The following SPAG1 variants were observed in gnomAD, a reference collection of about 807,000 sequenced individuals.
The protein encoded by SPAG1 is sperm-associated antigen 1.
SPAG1 carries 69 observed loss-of-function variants against 100.5 expected under a neutral mutation model. The ratio of observed to expected loss-of-function variants is 0.69; its 90% CI spans 0.57 to 0.84. The LOEUF is 0.84. Among genes scored for constraint, SPAG1 ranks in the 40% least tolerant of loss-of-function variants. The probability of loss-of-function intolerance (pLI) is 0.00; values close to 1 mark genes in which losing one functional copy is unlikely to be tolerated. For synonymous variants in SPAG1, 336 were observed against 411.6 expected, an observed-to-expected ratio of 0.82 and a Z score of 2.22; for missense variants, 955 against 1,133.1, an observed-to-expected ratio of 0.84 and a Z score of 2.26.
intron 8 of SPAG1, among the ~76,000 whole-genome samples, chr8:100,188,216 A>G (rs1183570343): frequency 6.6e-6 from 1 of 151,772 alleles, no homozygotes; most frequent in Non-Finnish European, 1.5e-5. Context: ...CAGTGGTGCA[A>G]TCTTGGCTTA....
chr8:100,203,062 T>C (rs773724859), intron 10 of SPAG1, among the ~76,000 whole-genome samples: 1 of 152,174 alleles, frequency 6.6e-6, no homozygotes, highest in East Asian at 1.9e-4. Flanking sequence ...TGTGAGGGTA[T>C]TGCTGAAAGA....
chr8:100,214,282 T>C (rs957905414), intron 12 of SPAG1, among the ~76,000 whole-genome samples: 1 of 152,206 alleles, frequency 6.6e-6, no homozygotes, highest in Non-Finnish European at 1.5e-5. Flanking sequence ...CAGTATTGGC[T>C]TCGAAATAAC....
chr8:100,213,850 A>G lies in SPAG1; in HGVS notation c.1467A>G (p.Leu489=). The stretch of plus-strand genomic sequence containing the variant: ...AAATTGCAGATGATCTAAGTATCTT[A>G]TATTCAAATAGAGCAGCATGTTACC... ...GSEIADDLSI[L]YSNRAACYLK... is the part of the protein sequence containing the mutation. Residue 489 remains leucine (L), a synonymous_variant, in exon 12 of 19, where the codon TTA becomes TTG. Transcript: ENST00000388798. 6.2e-7 allele frequency: 1 copy of G among 1,602,822 alleles called. No homozygotes were observed. The highest frequency in any genetic ancestry group is 1.7e-4 in the Middle Eastern group (1 of 5,990).
At chr8:100,187,735 A>G (rs929231429) in intron 8 of SPAG1, among the ~76,000 whole-genome samples, 3 of 152,146 alleles carry the variant, frequency 2.0e-5, no homozygotes, top group Non-Finnish European at 4.4e-5. Flanking sequence ...AACTTAATAT[A>G]GATTTTCTGG....
chr8:100,192,457 A>G (rs1488727675), intron 9 of SPAG1, among the ~76,000 whole-genome samples: 1 of 152,228 alleles, frequency 6.6e-6, no homozygotes, highest in Non-Finnish European at 1.5e-5. Flanking sequence ...CTGCAGATGA[A>G]TACTATTTCT....
At position 100,187,105 on chromosome 8, in the gene SPAG1, CT is replaced by C; in HGVS notation, c.702-14del. The C allele has an allele frequency of 2.5e-6, 4 of 1,596,030 alleles. No homozygotes were observed. Among genetic ancestry groups the C allele is most frequent in the Non-Finnish European group, 3.4e-6 (4 of 1,172,738 alleles). On this transcript the variant is annotated splice_polypyrimidine_tract_variant and intron_variant, in intron 7 of 18. Transcript: ENST00000388798. ...CCTTAGGCTTGCTTGTTGCCAGTAA[CT>C]GTTTCTTTTCTAGGAGCATATCAGC...
chr8:100,159,194 A>G (rs76959643), intron 1 of SPAG1, among the ~76,000 whole-genome samples: 1 of 152,314 alleles, frequency 6.6e-6, no homozygotes, highest in African/African-American at 2.4e-5. Context: ...TGCTCTTTGG[A>G]AAAATCCTTC....
intron 10 of SPAG1, among the ~76,000 whole-genome samples, chr8:100,197,008 G>A (rs868304394): frequency 5.3e-5 from 8 of 151,832 alleles, no homozygotes; most frequent in Admixed American, 1.3e-4. Context: ...CCCACCTCAG[G>A]CTCCCGAGTA....
At chr8:100,166,004 T>C (rs776161977) in intron 3 of SPAG1, 31 bp downstream of exon 3, 8 of 1,549,890 alleles carry the variant, frequency 5.2e-6, no homozygotes, top group Non-Finnish European at 6.2e-6. Flanking sequence ...TCCATAGATA[T>C]TGTTGAGACA....
chr8:100,184,778 GATA>G (rs763703686), intron 7 of SPAG1, 45 bp downstream of exon 7: 1 of 1,105,856 alleles, frequency 9.0e-7, no homozygotes, highest in South Asian at 1.5e-5. Context: ...TTTAAAAAAT[GATA>G]ATGTTTTAAT....
At chr8:100,181,546 C>T (rs537931508) in intron 4 of SPAG1, among the ~76,000 whole-genome samples, 1 of 152,284 alleles carries the variant, frequency 6.6e-6, no homozygotes, top group Non-Finnish European at 1.5e-5. Flanking sequence ...GTTCTAGGGG[C>T]TAGAAGTACA....
Position 100,240,377 on chromosome 8 carries a change from A to G in SPAG1, c.2281-26A>G, listed in dbSNP as rs776913189. Reference sequence around the variant, plus strand: ...TGTGGTGATTGTGGTTCAGTGTCACAATGCATTTTTCTTTTCTTCATGAAG... The same window carrying G: ...TGTGGTGATTGTGGTTCAGTGTCACGATGCATTTTTCTTTTCTTCATGAAG... On this transcript the variant is annotated intron_variant, in intron 17 of 18. Coordinates refer to ENST00000388798, the MANE Select transcript of SPAG1 (RefSeq NM_003114.5). 5.8e-6 allele frequency: 9 copies of G among 1,558,216 alleles called. No individual in the cohort carries two copies. The Admixed American group carries it at 1.9e-4, about 33-fold the overall frequency.
chr8:100,165,733 A>ATGGAACCCTGAGGTTCTG, intron 2 of SPAG1, 81 bp from the exon 3 acceptor site: 4 of 1,197,066 alleles, frequency 3.3e-6, no homozygotes, highest in Non-Finnish European at 3.5e-6. Flanking sequence ...TCAGGGTTCC[A>ATGGAACCCTGAGGTTCTG]TGGAACCCAG....
At chr8:100,197,752 G>A (rs979258584) in intron 10 of SPAG1, among the ~76,000 whole-genome samples, 2 of 152,088 alleles carry the variant, frequency 1.3e-5, no homozygotes, top group Non-Finnish European at 2.9e-5. Context: ...ATCTCCACTC[G>A]GGTTGGCCAG....
chr8:100,162,465 A>G (rs1412130411), intron 2 of SPAG1, 45 bp downstream of exon 2: 1 of 1,452,184 alleles, frequency 6.9e-7, no homozygotes. Context: ...GACAGTTTTA[A>G]TTATCTTGTT....
At chr8:100,203,968 T>G (rs1817397901) in intron 10 of SPAG1, among the ~76,000 whole-genome samples, 1 of 152,184 alleles carries the variant, frequency 6.6e-6, no homozygotes, top group Admixed American at 6.5e-5. Flanking sequence ...CAACTTGGAA[T>G]GGGGATGTGT....
At chr8:100,165,468 C>A in intron 2 of SPAG1, 1 of 364,256 alleles carries the variant, frequency 2.7e-6, no homozygotes, top group African/African-American at 2.1e-5. Context: ...TAAAGGAAAC[C>A]TTTGACATGG....
intron 1 of SPAG1, chr8:100,158,863 A>C (rs1405080585): frequency 6.6e-6 from 1 of 152,066 alleles, no homozygotes; most frequent in Non-Finnish European, 1.5e-5. Context: ...AAGGATTCTC[A>C]GAGAGACTTG....
At chr8:100,210,065 T>A (rs1034860542) in intron 10 of SPAG1, among the ~76,000 whole-genome samples, 1 of 152,186 alleles carries the variant, frequency 6.6e-6, no homozygotes, top group African/African-American at 2.4e-5. Flanking sequence ...GGCATCCTTG[T>A]CTTGTTGCTG....
Sources: gnomAD v4.1 joint callset for allele counts (sites outside exome capture counted in the v4.1 genomes callset) on GRCh38, gnomAD v4.1.1 for gene constraint, MANE v1.5 for transcripts, NCBI Gene and HGNC (gene_info 2026-07-23, HGNC 2026-07-21) for gene names.